DMTF1: variants seen among roughly 807,000 people sequenced by gnomAD.
The protein encoded by DMTF1 is cyclin D binding myb like transcription factor 1, also known as cyclin-D-binding Myb-like transcription factor 1.
DMTF1 carries 39 observed loss-of-function variants against 91.1 expected under a neutral mutation model. The observed-to-expected ratio is 0.43, with a 90% confidence interval of 0.33 to 0.56. The LOEUF is 0.56. Among genes scored for constraint, DMTF1 ranks in the 20% least tolerant of loss-of-function variants. The probability of loss-of-function intolerance (pLI) is 0.05; values close to 1 mark genes in which losing one functional copy is unlikely to be tolerated. For synonymous variants in DMTF1, 338 were observed against 309.5 expected (o/e 1.09, Z -0.97); for missense variants, 750 against 914.5 (o/e 0.82, Z 2.32).
chr7:87,176,454 G>A (rs1796285939), intron 7 of DMTF1, among the ~76,000 whole-genome samples: 1 of 152,194 alleles, frequency 6.6e-6, no homozygotes, highest in African/African-American at 2.4e-5. Flanking sequence ...TGAAGTAGAT[G>A]ATCTCAAGGA....
At chr7:87,162,905 A>T (rs1274931813) in intron 1 of DMTF1, 1 of 151,864 alleles carries the variant, frequency 6.6e-6, no homozygotes, top group East Asian at 1.9e-4. Flanking sequence ...TTCATATTTC[A>T]TAAAGTTTCA....
At chr7:87,183,118 C>T (rs929235379) in intron 10 of DMTF1, among the ~76,000 whole-genome samples, 33 of 152,186 alleles carry the variant, frequency 2.2e-4, no homozygotes, top group African/African-American at 8.0e-4. Context: ...TTAGCTTTAG[C>T]TTCCAGGGCA....
rs755303180 is a variant in DMTF1, at chr7:87,166,531, G to A, written c.158G>A (p.Arg53Lys). 1.2e-6 allele frequency: 2 copies of A among 1,613,064 alleles called. No homozygotes were observed. The highest frequency in any genetic ancestry group is 1.7e-5 in the Admixed American group (1 of 59,978). Residue 53 changes from arginine to lysine, a missense_variant, in exon 4 of 18, where the codon AGG becomes AAG. By Grantham distance (26) the Arg-to-Lys change is conservative. Coordinates refer to ENST00000331242, the MANE Select transcript of DMTF1 (RefSeq NM_001142327.2). ...SEDSIEPPHKRLCLSSEDDQS... is the reference protein window; with the variant it reads ...SEDSIEPPHKKLCLSSEDDQS... ...GATAGTATTGAACCTCCACATAAAA[G>A]GCTTTGTTTGTCCTCTGAGGATGAT...
At chr7:87,183,449 C>T (rs1349542904) in intron 10 of DMTF1, among the ~76,000 whole-genome samples, 1 of 152,174 alleles carries the variant, frequency 6.6e-6, no homozygotes, top group Admixed American at 6.5e-5. Context: ...TTGTGACATA[C>T]AGCTGCTGAT....
At chr7:87,157,015 C>T (rs1246069914) in intron 1 of DMTF1, among the ~76,000 whole-genome samples, 2 of 152,044 alleles carry the variant, frequency 1.3e-5, no homozygotes, top group Non-Finnish European at 2.9e-5. Flanking sequence ...ACAGTATGAT[C>T]TTGTGAAAAC....
At position 87,184,491 on chromosome 7, in the gene DMTF1, T is replaced by C; in HGVS notation, c.915T>C (p.Ser305=). Residue 305 remains serine, a synonymous_variant, in exon 11 of 18, where the codon TCT becomes TCC. Coordinates refer to ENST00000331242, the MANE Select transcript of DMTF1 (RefSeq NM_001142327.2). ...GTGACATAGTCACACAGGGTGTGTCTTGGGCAGCTGTGGCTGAACGAGTCG... is the reference window on the plus strand; with the variant it reads ...GTGACATAGTCACACAGGGTGTGTCCTGGGCAGCTGTGGCTGAACGAGTCG... The part of the protein sequence containing the change: ...EPGDIVTQGV[S]WAAVAERVGT... The C allele has an allele frequency of 6.2e-7, 1 of 1,614,016 alleles. No homozygotes were observed. The highest frequency in any genetic ancestry group is 8.5e-7 in the Non-Finnish European group (1 of 1,179,954).
At chr7:87,194,986 G>C in intron 17 of DMTF1, 45 bp from the exon 18 acceptor site, 14 of 1,525,088 alleles carry the variant, frequency 9.2e-6, no homozygotes, top group Non-Finnish European at 1.3e-5. Flanking sequence ...ACATGGATTA[G>C]AGAATAAATA....
Position 87,188,211 on chromosome 7 carries a change from C to T in DMTF1, c.1321C>T (p.Gln441Ter). The change falls in exon 13 of 18, where the codon CAG becomes TAG. Residue 441 changes from glutamine (Q) to a stop codon, truncating the protein, a stop_gained. Coordinates refer to ENST00000331242, the MANE Select transcript of DMTF1 (RefSeq NM_001142327.2). LOFTEE classifies it high-confidence loss of function. ...SNTNSSVQHV[Q>*]IRVARLEDNT... ...TACCAATTCCAGTGTGCAGCATGTT[C>T]AGATAAGAGTTGCCCGCTTGGAAGA... is the stretch of plus-strand genomic sequence containing the variant. 2 of 1,613,974 alleles carry T rather than the reference C, an allele frequency of 1.2e-6. No homozygotes were observed. The highest frequency in any genetic ancestry group is 1.7e-6 in the Non-Finnish European group (2 of 1,179,908).
Position 87,195,875 on chromosome 7 carries a change from TGAG to T in DMTF1, c.*738_*740del, listed in dbSNP as rs1801124169. On this transcript the variant is annotated 3_prime_UTR_variant, in exon 18 of 18. Coordinates refer to ENST00000331242, the MANE Select transcript of DMTF1 (RefSeq NM_001142327.2). ...GTTAGCACTTTGAAGTAAAACTAAA[TGAG>T]GAAGGAAGTAATGTTACCTATCCTT... 1 of 152,382 alleles carries T rather than the reference TGAG, an allele frequency of 6.6e-6. No individual in the cohort carries two copies. Among genetic ancestry groups the T allele is most frequent in the Admixed American group, 6.6e-5 (1 of 15,238 alleles). The allele number at this position is 152,382 out of a possible 1,614,324, so 9.4% of individuals were successfully genotyped here.
chr7:87,171,576 T>C (rs543062644), intron 5 of DMTF1, among the ~76,000 whole-genome samples: 174 of 152,184 alleles, frequency 1.1e-3, no homozygotes, highest in Non-Finnish European at 2.0e-3. Flanking sequence ...AGTCCCTATG[T>C]ATATAGTACT....
At chr7:87,178,135 G>A (rs1305851884) in intron 7 of DMTF1, among the ~76,000 whole-genome samples, 1 of 152,040 alleles carries the variant, frequency 6.6e-6, no homozygotes, top group Admixed American at 6.6e-5. Flanking sequence ...CATTTAGTTA[G>A]TTCCTCTTCA....
At chr7:87,171,198 A>G (rs1157093452) in intron 5 of DMTF1, 109 bp downstream of exon 5, 2 of 698,614 alleles carry the variant, frequency 2.9e-6, no homozygotes, top group Non-Finnish European at 4.7e-6. Flanking sequence ...CTACTGGCAC[A>G]TGCCACTGTG....
chr7:87,170,905 G>A (rs981506654), intron 4 of DMTF1, 90 bp from the exon 5 acceptor site: 173 of 813,906 alleles, frequency 2.1e-4, no homozygotes, highest in Non-Finnish European at 3.9e-5. Flanking sequence ...TAGGAAATTA[G>A]ATGATCATGT....
intron 7 of DMTF1, among the ~76,000 whole-genome samples, chr7:87,175,740 A>C (rs1226225276): frequency 1.3e-5 from 2 of 152,236 alleles, no homozygotes; most frequent in Admixed American, 1.3e-4. Context: ...ATGCCGAAGC[A>C]GCAAGAAATC....
intron 13 of DMTF1, among the ~76,000 whole-genome samples, chr7:87,190,624 A>C (rs1025040962): frequency 6.6e-6 from 1 of 152,008 alleles, no homozygotes; most frequent in South Asian, 2.1e-4. Flanking sequence ...CAGGTACTCA[A>C]CTCTGTTGTA....
intron 1 of DMTF1, among the ~76,000 whole-genome samples, chr7:87,156,948 G>A (rs1295788375): frequency 1.3e-5 from 2 of 152,094 alleles, no homozygotes; most frequent in Non-Finnish European, 2.9e-5. Context: ...CATTCAAAAT[G>A]TAAAGTAGTA....
In DMTF1 at chr7:87,193,770, C is replaced by G. The variant is rs758377219; in HGVS notation, c.1696C>G (p.His566Asp). 1 of 1,612,266 alleles carries G rather than the reference C, an allele frequency of 6.2e-7. No individual in the cohort carries two copies. Among genetic ancestry groups the G allele is most frequent in the African/African-American group, 1.3e-5 (1 of 74,906 alleles). Residue 566 changes from histidine to aspartate, a missense_variant, in exon 16 of 18, where the codon CAC (histidine) becomes GAC (aspartate). Around this residue, in one of 3 missense-constraint regions of DMTF1, gnomAD observed 410 missense variants for 420.2 expected, o/e 0.98. Transcript: ENST00000331242. Reference sequence around the variant, plus strand: ...AAGTGATAATGTTACAGTGCAGTGTCACACACCAAGAGTCATCATTCAGAC... The same window carrying G: ...AAGTGATAATGTTACAGTGCAGTGTGACACACCAAGAGTCATCATTCAGAC... ...NTSDNVTVQC[H>D]TPRVIIQTVA...
rs375005251 is a variant in DMTF1, at chr7:87,174,716, A to T, written c.519+47A>T. The T allele has an allele frequency of 1.8e-5, 24 of 1,335,432 alleles. No individual in the cohort carries two copies. In the South Asian group the frequency reaches 2.7e-4, roughly 15 times the overall value. 82.7% of individuals were successfully genotyped at this position (1,335,432 alleles called of 1,614,324 possible). A position where few individuals can be genotyped will look rare whatever the true frequency, so the allele number is the denominator to read the frequency against. On this transcript the variant is annotated intron_variant, in intron 7 of 17. Coordinates refer to ENST00000331242, the MANE Select transcript of DMTF1 (RefSeq NM_001142327.2). ...TGTTTCACCAATTTGTTTATTGCCA[A>T]TTGCAAAAATATCAACACAGAATGT...
intron 16 of DMTF1, 83 bp from the exon 17 acceptor site, chr7:87,194,601 C>T: frequency 1.0e-6 from 1 of 984,526 alleles, no homozygotes; most frequent in South Asian, 1.9e-5. Flanking sequence ...ATGTTTAAGT[C>T]TAACCTATAC....
Sources: gnomAD v4.1 joint callset for allele counts (sites outside exome capture counted in the v4.1 genomes callset) on GRCh38, gnomAD v4.1.1 for gene constraint, gnomAD v4.1.1 regional missense constraint, MANE v1.5 for transcripts, NCBI Gene and HGNC (gene_info 2026-07-23, HGNC 2026-07-21) for gene names.